APBB2: variants seen among roughly 807,000 people sequenced by gnomAD.
The protein encoded by APBB2 is Fe65-like 1.
A neutral mutation model predicts 82.5 loss-of-function variants in APBB2; 38 were observed. The observed-to-expected ratio is 0.46, with a 90% CI of 0.36 to 0.60. APBB2 has a LOEUF of 0.60. Ranked by LOEUF, APBB2 falls within the 20% of genes least tolerant of loss-of-function variation. APBB2 has a pLI of 0.00. For missense variants in APBB2, 772 were observed against 972.3 expected, an observed-to-expected ratio of 0.79 and a Z score of 2.74; for synonymous variants, 341 against 368.2, an observed-to-expected ratio of 0.93 and a Z score of 0.85.
chr4:41,108,627 T>C (rs1439829700), intron 2 of APBB2, among the ~76,000 whole-genome samples: 1 of 151,992 alleles, frequency 6.6e-6, no homozygotes, highest in African/African-American at 2.4e-5. Flanking sequence ...TCAGAAAGAT[T>C]CCCTTTTCCA....
chr4:40,930,171 G>C (rs1046187897), intron 10 of APBB2, among the ~76,000 whole-genome samples: 4 of 152,132 alleles, frequency 2.6e-5, no homozygotes, highest in Non-Finnish European at 1.5e-5. Flanking sequence ...TCTTAGTTTT[G>C]ACCGATGTAC....
rs2154352796 is a variant in APBB2, at chr4:40,893,283, T to C, written c.1383A>G (p.Thr461=). The C allele has an allele frequency of 6.2e-7, 1 of 1,613,748 alleles. No homozygotes were observed. The highest frequency in any genetic ancestry group is 1.7e-5 in the Admixed American group (1 of 59,948). The change falls in exon 11 of 18, where the codon ACA becomes ACG. Residue 461 remains threonine, a synonymous_variant. Transcript: ENST00000508593. ...CACTTACCTCTCCCCAAATCCCGAC[T>C]GTGTCTCGGATGTCATTTTTGCAGT... The part of the protein sequence containing the change: ...LSYCKNDIRD[T]VGIWGEGKDM...
chr4:41,127,250 T>A lies in APBB2; in HGVS notation c.-261+15737A>T, dbSNP rs1289396928. On this transcript the variant is annotated intron_variant, in intron 2 of 17. Transcript: ENST00000508593. The surrounding 1 kb of genome is among the most constrained non-coding windows in gnomAD (Gnocchi z 4.8). ...AAAGACACACACCAAACAACCATAA[T>A]GAAAAGTCTTTTGGGGAAACCCAAA... 6.6e-6 allele frequency among the ~76,000 whole-genome samples: 1 copy of A among 152,124 alleles called. No homozygotes were observed. The highest frequency in any genetic ancestry group is 1.5e-5 in the Non-Finnish European group (1 of 68,008).
At chr4:41,017,673 A>G (rs1469560044) in intron 5 of APBB2, among the ~76,000 whole-genome samples, 2 of 151,796 alleles carry the variant, frequency 1.3e-5, no homozygotes, top group African/African-American at 4.9e-5. Flanking sequence ...TCCACTCACT[A>G]CTTTGTACGC....
intron 6 of APBB2, among the ~76,000 whole-genome samples, chr4:40,962,577 T>C (rs1001893854): frequency 4.6e-5 from 7 of 152,236 alleles, no homozygotes; most frequent in African/African-American, 1.2e-4. Context: ...ACATGTCCCA[T>C]ACGTCATAGG....
intron 10 of APBB2, among the ~76,000 whole-genome samples, chr4:40,904,672 G>C (rs917246437): frequency 6.9e-6 from 1 of 144,966 alleles, no homozygotes; most frequent in Non-Finnish European, 1.5e-5. Context: ...ATATAACTAG[G>C]CTTTGTTATT....
At chr4:40,944,795 C>G (rs774986431) in intron 7 of APBB2, 70 bp downstream of exon 7, 1 of 1,498,918 alleles carries the variant, frequency 6.7e-7, no homozygotes, top group African/African-American at 1.4e-5. Flanking sequence ...GGGGCAGAAG[C>G]AACCAGTGTA....
At chr4:40,856,983 A>G (rs1402015313) in intron 12 of APBB2, 2 of 985,366 alleles carry the variant, frequency 2.0e-6, no homozygotes, top group African/African-American at 1.7e-5. Context: ...CCCTGAACGC[A>G]CCTGCAAACA....
chr4:41,138,923 G>A (rs942031019), intron 2 of APBB2, among the ~76,000 whole-genome samples: 2 of 152,050 alleles, frequency 1.3e-5, no homozygotes, highest in African/African-American at 4.8e-5. Flanking sequence ...GAAACCAACT[G>A]CATTTCTATA....
chr4:41,082,179 A>T (rs1222959321), intron 3 of APBB2, among the ~76,000 whole-genome samples: 8 of 152,216 alleles, frequency 5.3e-5, no homozygotes, highest in Non-Finnish European at 1.2e-4. Flanking sequence ...GACACATTTT[A>T]AAAACGTAAC....
At chr4:41,204,089 G>A (rs16852924) in intron 1 of APBB2, among the ~76,000 whole-genome samples, 32,098 of 152,166 alleles carry the variant, frequency 0.21, 3,758 homozygotes, top group East Asian at 0.33. Context: ...ACTGAAAGGC[G>A]GTAAAGAACA....
intron 12 of APBB2, among the ~76,000 whole-genome samples, chr4:40,865,281 G>T (rs1763783333): frequency 6.6e-6 from 1 of 152,150 alleles, no homozygotes; most frequent in Admixed American, 6.5e-5. Context: ...GGAGGGCCAA[G>T]GAAAAAGCTG....
intron 3 of APBB2, among the ~76,000 whole-genome samples, chr4:41,072,757 C>T (rs886209688): frequency 6.6e-6 from 1 of 152,186 alleles, no homozygotes; most frequent in Non-Finnish European, 1.5e-5. Context: ...TGGAGAAATT[C>T]AATAAGCAGA....
intron 6 of APBB2, among the ~76,000 whole-genome samples, chr4:40,992,667 C>G (rs568339755): frequency 1.3e-5 from 2 of 152,096 alleles, no homozygotes; most frequent in Non-Finnish European, 2.9e-5. Flanking sequence ...GCTGGTAACC[C>G]CTGGAAGTAA....
chr4:40,958,087 T>C (rs1356778023), intron 6 of APBB2, among the ~76,000 whole-genome samples: 1 of 152,176 alleles, frequency 6.6e-6, no homozygotes, highest in Non-Finnish European at 1.5e-5. Context: ...TATTTGTAAA[T>C]ATTCAACCAT....
intron 6 of APBB2, among the ~76,000 whole-genome samples, chr4:40,963,359 A>G (rs4536976): frequency 0.086 from 12,983 of 151,842 alleles, 600 homozygotes; most frequent in Middle Eastern, 0.14. Flanking sequence ...CGATCTTCCC[A>G]CCTCAGCTTC....
At chr4:40,876,050 G>A (rs1157183988) in intron 12 of APBB2, among the ~76,000 whole-genome samples, 2 of 152,176 alleles carry the variant, frequency 1.3e-5, no homozygotes, top group Non-Finnish European at 2.9e-5. Context: ...ATTCTTGAAA[G>A]CACAAGTGCT....
At position 41,127,964 on chromosome 4, in the gene APBB2, C is replaced by T. The variant is rs1177553443; in HGVS notation, c.-261+15023G>A. Among the ~76,000 whole-genome samples the T allele has an allele frequency of 2.6e-5, 4 of 152,124 alleles. No individual in the cohort carries two copies. Among genetic ancestry groups the T allele is most frequent in the Non-Finnish European group, 4.4e-5 (3 of 68,022 alleles). On this transcript the variant is annotated intron_variant, in intron 2 of 17. Coordinates refer to ENST00000508593, the MANE Select transcript of APBB2 (RefSeq NM_004307.2). This position sits in a 1 kb window ranked among gnomAD's most constrained non-coding sequence, Gnocchi z 4.8. ...GTGTGGTGGCAAGCACCTGTAATCC[C>T]AGCTACCTGGGAGACTGAAGCATGA...
At chr4:41,032,109 T>C (rs138945647) in intron 5 of APBB2, among the ~76,000 whole-genome samples, 159 of 152,358 alleles carry the variant, frequency 1.0e-3, no homozygotes, top group Middle Eastern at 3.4e-3. Context: ...TGTTGAAATA[T>C]AACATGAAAA....
Sources: gnomAD v4.1 joint callset for allele counts (sites outside exome capture counted in the v4.1 genomes callset) on GRCh38, gnomAD v4.1.1 for gene constraint, Gnocchi (gnomAD v3.1) non-coding constraint, MANE v1.5 for transcripts, NCBI Gene and HGNC (gene_info 2026-07-23, HGNC 2026-07-21) for gene names.